The following RFT1 variants were observed in gnomAD, a reference collection of about 807,000 sequenced individuals.
RFT1 encodes RFT1 glycolipid translocator homolog, also known as man(5)GlcNAc(2)-PP-dolichol translocation protein RFT1.
A neutral mutation model predicts 62.2 loss-of-function variants in RFT1; 43 were observed. The observed-to-expected ratio is 0.69, with a 90% CI of 0.54 to 0.89. The LOEUF (loss-of-function observed/expected upper bound fraction) is 0.89, where lower values mean the gene tolerates loss of function less well. Among genes scored for constraint, RFT1 ranks in the 40% least tolerant of loss-of-function variants. The probability of loss-of-function intolerance (pLI) is 0.00; values close to 1 mark genes in which losing one functional copy is unlikely to be tolerated. For missense variants in RFT1, 605 were observed against 649.9 expected, an observed-to-expected ratio of 0.93 and a Z score of 0.75; for synonymous variants, 262 against 264.6, an observed-to-expected ratio of 0.99 and a Z score of 0.10.
intron 1 of RFT1, among the ~76,000 whole-genome samples, chr3:53,128,576 A>C (rs1702175971): frequency 6.6e-6 from 1 of 152,220 alleles, no homozygotes; most frequent in Non-Finnish European, 1.5e-5. Context: ...GCAGTGGCAT[A>C]ATCACAGCTC....
At chr3:53,107,102 TA>T (rs957871533) in intron 7 of RFT1, among the ~76,000 whole-genome samples, 7 of 146,144 alleles carry the variant, frequency 4.8e-5, no homozygotes, top group Non-Finnish European at 7.5e-5. Context: ...AAATTACAAA[TA>T]AAAAAAAATA....
intron 7 of RFT1, among the ~76,000 whole-genome samples, chr3:53,109,057 G>C (rs1701574467): frequency 6.6e-6 from 1 of 152,048 alleles, no homozygotes; most frequent in Admixed American, 6.6e-5. Context: ...CTATCATTTT[G>C]GATTCCCTTT....
chr3:53,079,681 T>G, the RFT1 span, among the ~76,000 whole-genome samples: 2 of 152,120 alleles, frequency 1.3e-5, no homozygotes, highest in East Asian at 3.9e-4. Context: ...ATCGCACTAC[T>G]GCACACCAGC....
chr3:53,099,634 T>C (rs1701254877), intron 10 of RFT1, 148 bp from the exon 11 acceptor site: 2 of 685,792 alleles, frequency 2.9e-6, no homozygotes, highest in Non-Finnish European at 5.3e-6. Flanking sequence ...GAGCCCAGGG[T>C]CTTAATAATC....
chr3:53,093,253 C>A (rs1314761069), intron 11 of RFT1, among the ~76,000 whole-genome samples: 1 of 152,198 alleles, frequency 6.6e-6, no homozygotes, highest in Non-Finnish European at 1.5e-5. Context: ...GCCTGGATCA[C>A]CTCTGCTATT....
intron 2 of RFT1, 33 bp downstream of exon 2, chr3:53,125,876 A>C: frequency 6.5e-7 from 1 of 1,539,746 alleles, no homozygotes; most frequent in Non-Finnish European, 9.0e-7. Context: ...AGGAAGGTGA[A>C]CTCTGACAGT....
At chr3:53,103,803 C>T (rs969566875) in intron 10 of RFT1, 150 bp downstream of exon 10, 9 of 958,690 alleles carry the variant, frequency 9.4e-6, no homozygotes, top group African/African-American at 4.8e-5. Context: ...TGGAGTTGAA[C>T]GAGGGGAACA....
At chr3:53,126,734 G>A (rs1263917306) in intron 1 of RFT1, among the ~76,000 whole-genome samples, 1 of 152,148 alleles carries the variant, frequency 6.6e-6, no homozygotes, top group African/African-American at 2.4e-5. Flanking sequence ...TCTAAGCAAA[G>A]AACTTCTCCC....
the RFT1 span, among the ~76,000 whole-genome samples, chr3:53,073,743 A>G: frequency 2.0e-5 from 3 of 152,160 alleles, no homozygotes; most frequent in East Asian, 5.8e-4. Context: ...TGAGAGCCTG[A>G]GCCCTCTGGA....
chr3:53,087,157 C>T (rs1408744944), downstream of RFT1, among the ~76,000 whole-genome samples: 1 of 152,198 alleles, frequency 6.6e-6, no homozygotes, highest in Non-Finnish European at 1.5e-5. Flanking sequence ...GAATTGCTTG[C>T]ACCTGGGAGG....
At chr3:53,116,615 T>A (rs1701812252) in intron 6 of RFT1, among the ~76,000 whole-genome samples, 1 of 151,840 alleles carries the variant, frequency 6.6e-6, no homozygotes, top group Non-Finnish European at 1.5e-5. Flanking sequence ...TTCTCTTTTT[T>A]TTTTGAGACA....
At chr3:53,073,576 G>T in the RFT1 span, among the ~76,000 whole-genome samples, 146 of 152,314 alleles carry the variant, frequency 9.6e-4, no homozygotes, top group African/African-American at 3.2e-3. Flanking sequence ...CCCCCTCTGC[G>T]CCTCTCTTCC....
Position 53,088,754 on chromosome 3 carries a change from A to G in RFT1, c.*3149T>C, listed in dbSNP as rs530359415. Reference sequence around the variant, plus strand: ...GAGGCTGAGGTGGGAGGATTGCTTGAGCCCAGGAGTTTGAGGCTGCAATGA... The same window carrying G: ...GAGGCTGAGGTGGGAGGATTGCTTGGGCCCAGGAGTTTGAGGCTGCAATGA... On this transcript the variant is annotated 3_prime_UTR_variant, in exon 13 of 13. Transcript: ENST00000296292. The G allele has an allele frequency of 6.5e-6, 1 of 153,114 alleles. No homozygotes were observed. Among genetic ancestry groups the G allele is most frequent in the African/African-American group, 2.4e-5 (1 of 41,540 alleles). 9.5% of individuals were successfully genotyped at this position (153,114 alleles called of 1,614,324 possible). A position where few individuals can be genotyped will look rare whatever the true frequency, so the allele number is the denominator to read the frequency against.
intron 9 of RFT1, among the ~76,000 whole-genome samples, chr3:53,105,304 C>T (rs562140559): frequency 6.6e-6 from 1 of 152,286 alleles, no homozygotes; most frequent in South Asian, 2.1e-4. Context: ...GTCCCAGCTA[C>T]TCAGGAGGCT....
intron 6 of RFT1, among the ~76,000 whole-genome samples, chr3:53,113,590 AT>A (rs1245808441): frequency 6.6e-6 from 1 of 152,214 alleles, no homozygotes. Flanking sequence ...GTAATGTTAA[AT>A]TTTCTAGCAG....
the RFT1 span, among the ~76,000 whole-genome samples, chr3:53,068,756 A>G: frequency 6.6e-6 from 1 of 152,234 alleles, no homozygotes; most frequent in South Asian, 2.1e-4. Flanking sequence ...CCTGACTTAT[A>G]TGGCTCAACT....
chr3:53,129,285 G>A (rs1467802129), intron 1 of RFT1, among the ~76,000 whole-genome samples: 1 of 152,220 alleles, frequency 6.6e-6, no homozygotes, highest in Non-Finnish European at 1.5e-5. Flanking sequence ...TTAAGTACTT[G>A]TAGTGTGCCA....
intron 6 of RFT1, among the ~76,000 whole-genome samples, chr3:53,114,715 C>CGG (rs1701745103): frequency 3.8e-5 from 2 of 53,030 alleles, no homozygotes; most frequent in African/African-American, 7.8e-5. Flanking sequence ...ATACCCTGAC[C>CGG]AACAAGCCAT....
chr3:53,126,648 G>A (rs1702118844), intron 1 of RFT1, among the ~76,000 whole-genome samples: 1 of 152,148 alleles, frequency 6.6e-6, no homozygotes, highest in South Asian at 2.1e-4. Flanking sequence ...TGGGGGGAAG[G>A]GAGAGAGTGT....
Sources: allele counts gnomAD v4.1 joint callset (sites outside exome capture counted in the v4.1 genomes callset), GRCh38; gene constraint gnomAD v4.1.1; transcripts MANE v1.5; gene names NCBI Gene and HGNC (gene_info 2026-07-23, HGNC 2026-07-21).